Variants in NMT2 observed in about 807,000 individuals in gnomAD.
NMT2 encodes N-myristoyltransferase 2, also known as glycylpeptide N-tetradecanoyltransferase 2.
A neutral mutation model predicts 65.4 loss-of-function variants in NMT2; 35 were observed. That is an observed-to-expected ratio of 0.54 (90% CI 0.41 to 0.71). The LOEUF is 0.71. Ranked by LOEUF, NMT2 falls within the 30% of genes least tolerant of loss-of-function variation. The pLI is 0.00. For missense variants in NMT2, 489 were observed against 611.3 expected (o/e 0.80, Z 2.11); for synonymous variants, 226 against 231.8 (o/e 0.98, Z 0.23).
chr10:15,123,531 G>C (rs1035042225), intron 8 of NMT2, among the ~76,000 whole-genome samples: 1 of 52,542 alleles, frequency 1.9e-5, no homozygotes, highest in Non-Finnish European at 3.8e-5. Context: ...TCGTCTCACA[G>C]AAAAAAAAAA....
At chr10:15,116,704 C>T (rs1041694889) in intron 9 of NMT2, among the ~76,000 whole-genome samples, 7 of 152,010 alleles carry the variant, frequency 4.6e-5, no homozygotes, top group African/African-American at 1.4e-4. Flanking sequence ...AGAGAAGACA[C>T]GAATCACCAA....
Position 15,107,375 on chromosome 10 carries a change from G to A in NMT2, c.*1820C>T. On this transcript the variant is annotated 3_prime_UTR_variant, in exon 12 of 12. Coordinates refer to ENST00000378165, the MANE Select transcript of NMT2 (RefSeq NM_004808.3). Reference sequence around the variant, plus strand: ...GGTTTCACTGGACTCATAACTTGAAGGAAATGCCATCATGTCTAAAACAAT... The same window carrying A: ...GGTTTCACTGGACTCATAACTTGAAAGAAATGCCATCATGTCTAAAACAAT... The A allele has an allele frequency of 1.0e-6, 1 of 985,440 alleles. No homozygotes were observed. Among genetic ancestry groups the A allele is most frequent in the Non-Finnish European group, 1.2e-6 (1 of 829,946 alleles). The allele number at this position is 985,440 out of a possible 1,614,324, so 61.0% of individuals were successfully genotyped here. A position where few individuals can be genotyped will look rare whatever the true frequency, so the allele number is the denominator to read the frequency against.
chr10:15,166,394 C>G (rs1352097602), intron 1 of NMT2, among the ~76,000 whole-genome samples: 1 of 152,050 alleles, frequency 6.6e-6, no homozygotes, highest in Non-Finnish European at 1.5e-5. Flanking sequence ...ATGAAGAGGC[C>G]GAGTATAGAA....
At chr10:15,165,118 GTACTAT>G (rs1588467682) in intron 1 of NMT2, among the ~76,000 whole-genome samples, 1 of 150,380 alleles carries the variant, frequency 6.6e-6, no homozygotes, top group African/African-American at 2.5e-5. Context: ...CGCCAAGATC[GTACTAT>G]TGCACTCCAG....
At chr10:15,140,840 C>A in intron 2 of NMT2, 2 of 724,210 alleles carry the variant, frequency 2.8e-6, no homozygotes, top group Non-Finnish European at 4.7e-6. Context: ...CTCTTCTTGG[C>A]CACCATCTGC....
chr10:15,119,749 G>A (rs1052064661), intron 8 of NMT2, among the ~76,000 whole-genome samples: 3 of 152,282 alleles, frequency 2.0e-5, no homozygotes, highest in Middle Eastern at 3.4e-3. Flanking sequence ...AAATATAGGC[G>A]AGACAGACAA....
chr10:15,117,733 G>T (rs1195892535), intron 9 of NMT2, among the ~76,000 whole-genome samples: 1 of 152,194 alleles, frequency 6.6e-6, no homozygotes, highest in Admixed American at 6.5e-5. Context: ...ATTTCTACAG[G>T]CTAACAATGA....
chr10:15,161,110 A>AC (rs1833181098), intron 1 of NMT2, among the ~76,000 whole-genome samples: 2 of 140,016 alleles, frequency 1.4e-5, no homozygotes, highest in Admixed American at 7.1e-5. Flanking sequence ...AAAAAAAAAA[A>AC]CACAAAGAAA....
chr10:15,144,533 C>T (rs904609903), intron 1 of NMT2, among the ~76,000 whole-genome samples: 17 of 152,130 alleles, frequency 1.1e-4, no homozygotes, highest in African/African-American at 4.1e-4. Flanking sequence ...AGATCGAGAC[C>T]ATCCTGACTA....
At chr10:15,151,564 G>A (rs1172187378) in intron 1 of NMT2, among the ~76,000 whole-genome samples, 1 of 152,166 alleles carries the variant, frequency 6.6e-6, no homozygotes, top group Non-Finnish European at 1.5e-5. Flanking sequence ...TATTTTAAAT[G>A]CTTTAAAAAT....
chr10:15,126,253 A>AT (rs1846070201), intron 8 of NMT2, among the ~76,000 whole-genome samples: 1 of 150,590 alleles, frequency 6.6e-6, no homozygotes, highest in Admixed American at 6.6e-5. Context: ...ATATGGTGAA[A>AT]CCCCATCTCT....
Position 15,108,732 on chromosome 10 carries a change from A to G in NMT2, c.*463T>C, listed in dbSNP as rs931847433. ...GTTCCCAGTGATACCATGTAAGGTG[A>G]TACCAGTAAAAAAAATTTCCAAATG... On this transcript the variant is annotated 3_prime_UTR_variant, in exon 12 of 12. Transcript: ENST00000378165. 5.9e-6 allele frequency: 6 copies of G among 1,021,612 alleles called. No homozygotes were observed. In the African/African-American group the frequency reaches 1.0e-4, roughly 18 times the overall value. The allele number at this position is 1,021,612 out of a possible 1,614,324, so 63.3% of individuals were successfully genotyped here.
intron 2 of NMT2, chr10:15,139,875 A>C (rs1846674208): frequency 1.6e-5 from 1 of 62,464 alleles, no homozygotes; most frequent in Non-Finnish European, 2.8e-5. Flanking sequence ...ATATATATAT[A>C]TATATATATA....
chr10:15,140,524 T>C (rs879875763), intron 2 of NMT2, among the ~76,000 whole-genome samples: 10 of 152,004 alleles, frequency 6.6e-5, no homozygotes, highest in Non-Finnish European at 1.0e-4. Flanking sequence ...CTTTTTCTTT[T>C]TTTATTTTTT....
intron 1 of NMT2, chr10:15,168,292 C>T: frequency 2.5e-6 from 1 of 406,764 alleles, no homozygotes; most frequent in Non-Finnish European, 4.4e-6. Context: ...CCCAGCCTCC[C>T]CGCCCACCCC....
At chr10:15,123,458 G>T (rs1197569331) in intron 8 of NMT2, among the ~76,000 whole-genome samples, 1 of 150,922 alleles carries the variant, frequency 6.6e-6, no homozygotes, top group Non-Finnish European at 1.5e-5. Flanking sequence ...GCATCCAGGA[G>T]GCGGGGGTTG....
chr10:15,107,894 CCAT>C lies in NMT2; in HGVS notation c.*1298_*1300del. Reference sequence around the variant, plus strand: ...TTTTTCAAATTCTAGATTAAAAACACCATCAGTAACAAAATTATGAATACTTAT... The same window carrying C: ...TTTTTCAAATTCTAGATTAAAAACACCAGTAACAAAATTATGAATACTTAT... On this transcript the variant is annotated 3_prime_UTR_variant, in exon 12 of 12. Transcript: ENST00000378165. The C allele has an allele frequency of 1.0e-6, 1 of 985,338 alleles. No individual in the cohort carries two copies. The highest frequency in any genetic ancestry group is 1.2e-6 in the Non-Finnish European group (1 of 829,544). 61.0% of individuals were successfully genotyped at this position (985,338 alleles called of 1,614,324 possible).
intron 1 of NMT2, among the ~76,000 whole-genome samples, chr10:15,141,823 A>C (rs962903781): frequency 1.3e-5 from 2 of 152,244 alleles, no homozygotes; most frequent in African/African-American, 4.8e-5. Flanking sequence ...ACATTTTATA[A>C]CTGAAGTAAA....
rs756801993 is a variant in NMT2 at position 15,108,268 on chromosome 10, A to G, written c.*927T>C. On this transcript the variant is annotated 3_prime_UTR_variant, in exon 12 of 12. Coordinates refer to ENST00000378165, the MANE Select transcript of NMT2 (RefSeq NM_004808.3). ...AGTGGCTCGATCTCGGCTCACTGCAACCTCACCTCTCAGGTTCAAGCGATT... is the reference window on the plus strand; with the variant it reads ...AGTGGCTCGATCTCGGCTCACTGCAGCCTCACCTCTCAGGTTCAAGCGATT... The G allele has an allele frequency of 6.3e-4, 502 of 802,268 alleles. No individual in the cohort carries two copies. Among genetic ancestry groups the G allele is most frequent in the Non-Finnish European group, 7.1e-4 (470 of 663,698 alleles). The allele number at this position is 802,268 out of a possible 1,614,324, so 49.7% of individuals were successfully genotyped here. A position where few individuals can be genotyped will look rare whatever the true frequency, so the allele number is the denominator to read the frequency against.
Sources: gnomAD v4.1 joint callset for allele counts (sites outside exome capture counted in the v4.1 genomes callset) on GRCh38, gnomAD v4.1.1 for gene constraint, MANE v1.5 for transcripts, NCBI Gene and HGNC (gene_info 2026-07-23, HGNC 2026-07-21) for gene names.